Variants in OSBPL10 observed in about 807,000 individuals in gnomAD.
The protein encoded by OSBPL10 is oxysterol-binding protein-related protein 10.
Under a neutral mutation model 81.7 loss-of-function variants are expected in OSBPL10, and 49 were observed. That is an observed-to-expected ratio of 0.60 (90% CI 0.48 to 0.76). The LOEUF (loss-of-function observed/expected upper bound fraction) is 0.76, where lower values mean the gene tolerates loss of function less well. OSBPL10 is among the 30% of genes least tolerant of loss of function. OSBPL10 has a pLI of 0.00. For missense variants in OSBPL10, 923 were observed against 987.8 expected (o/e 0.93, Z 0.88); for synonymous variants, 419 against 383.6 (o/e 1.09, Z -1.08).
intron 3 of OSBPL10, among the ~76,000 whole-genome samples, chr3:31,854,333 G>A (rs951211116): frequency 1.3e-5 from 2 of 152,024 alleles, no homozygotes; most frequent in Non-Finnish European, 2.9e-5. Flanking sequence ...GTTCTAACCA[G>A]TTCTCTGCAT....
At chr3:31,796,992 A>ATT (rs1491120276) in intron 4 of OSBPL10, among the ~76,000 whole-genome samples, 105 of 96,810 alleles carry the variant, frequency 1.1e-3, no homozygotes, top group Admixed American at 1.7e-3. Flanking sequence ...AATTTTTATT[A>ATT]ATTTTTTTTT....
At chr3:31,692,777 T>C (rs1280220057) in intron 7 of OSBPL10, among the ~76,000 whole-genome samples, 1 of 151,946 alleles carries the variant, frequency 6.6e-6, no homozygotes, top group Non-Finnish European at 1.5e-5. Context: ...CCCAGAGAGG[T>C]TTTGCAATTT....
chr3:31,662,086 A>C lies in OSBPL10; in HGVS notation c.2281T>G (p.Trp761Gly). Residue 761 changes from tryptophan (W) to glycine (G), a missense_variant, in exon 12 of 12, where the codon TGG becomes GGG. This residue lies in a region of OSBPL10 where 387 missense variants were observed against 436.3 expected (regional missense o/e 0.89). Coordinates refer to ENST00000396556, the MANE Select transcript of OSBPL10 (RefSeq NM_017784.5). ...GDGWVYFNPL[W>G]KAH Reference sequence around the variant, plus strand: ...CCTCCACCCCATCAGTGTGCTTTCCAGAGGGGATTGAAGTATACCCAGCCA... The same window carrying C: ...CCTCCACCCCATCAGTGTGCTTTCCCGAGGGGATTGAAGTATACCCAGCCA... 6.2e-7 allele frequency: 1 copy of C among 1,614,116 alleles called. No homozygotes were observed. The highest frequency in any genetic ancestry group is 8.5e-7 in the Non-Finnish European group (1 of 1,179,994).
intron 8 of OSBPL10, among the ~76,000 whole-genome samples, chr3:31,681,656 G>T (rs866634417): frequency 6.6e-6 from 1 of 152,076 alleles, no homozygotes; most frequent in African/African-American, 2.4e-5. Context: ...CACTTGCCTC[G>T]CAAGGAGCAC....
chr3:31,771,551 CCA>C (rs1439184460), intron 4 of OSBPL10, among the ~76,000 whole-genome samples: 9 of 152,190 alleles, frequency 5.9e-5, no homozygotes, highest in Non-Finnish European at 1.3e-4. Context: ...CCCCAGACCT[CCA>C]CAAACAAGTT....
chr3:31,955,076 G>C (rs1294692279), intron 1 of OSBPL10, among the ~76,000 whole-genome samples: 3 of 152,216 alleles, frequency 2.0e-5, no homozygotes, highest in Non-Finnish European at 4.4e-5. Context: ...GGTGGATAAG[G>C]TAAGCTAATT....
At chr3:31,856,511 A>G (rs537931125) in intron 3 of OSBPL10, among the ~76,000 whole-genome samples, 1 of 152,334 alleles carries the variant, frequency 6.6e-6, no homozygotes, top group South Asian at 2.1e-4. Context: ...AGCTTGTCCA[A>G]CTTTACTAAG....
intron 1 of OSBPL10, among the ~76,000 whole-genome samples, chr3:31,921,461 G>C (rs1696912738): frequency 6.6e-6 from 1 of 152,172 alleles, no homozygotes; most frequent in Non-Finnish European, 1.5e-5. Flanking sequence ...CCACAATGAT[G>C]GGGGTATGTC....
chr3:32,059,243 C>G (rs1403000467), intron 1 of OSBPL10, among the ~76,000 whole-genome samples: 1 of 152,000 alleles, frequency 6.6e-6, no homozygotes, highest in African/African-American at 2.4e-5. Context: ...TTGCAGTGAG[C>G]CACGATCATG....
At chr3:31,857,920 G>GT (rs768571229) in intron 3 of OSBPL10, among the ~76,000 whole-genome samples, 23 of 151,080 alleles carry the variant, frequency 1.5e-4, no homozygotes, top group Non-Finnish European at 2.2e-4. Flanking sequence ...TACAGAAAAA[G>GT]TAAGTATGTG....
At chr3:31,669,253 C>T (rs767399025) in intron 9 of OSBPL10, among the ~76,000 whole-genome samples, 22 of 151,818 alleles carry the variant, frequency 1.4e-4, no homozygotes, top group Non-Finnish European at 3.1e-4. Context: ...CTCATGTAAG[C>T]AAATACCACC....
intron 4 of OSBPL10, among the ~76,000 whole-genome samples, chr3:31,769,900 T>TAAGA (rs35533568): frequency 0.78 from 118,343 of 151,670 alleles, 46,233 homozygotes; most frequent in East Asian, 0.8. Flanking sequence ...ATGGATCCCC[T>TAAGA]AAGAAGGTTC....
chr3:31,904,303 A>G (rs1327466940), intron 1 of OSBPL10, among the ~76,000 whole-genome samples: 11 of 152,180 alleles, frequency 7.2e-5, no homozygotes, highest in Admixed American at 4.6e-4. Flanking sequence ...CAGTTGGCGG[A>G]TATCAGGGCT....
At chr3:32,022,173 T>C (rs1699368234) in intron 2 of OSBPL10, among the ~76,000 whole-genome samples, 1 of 152,180 alleles carries the variant, frequency 6.6e-6, no homozygotes, top group African/African-American at 2.4e-5. Context: ...TGCATATAGA[T>C]ATGCAGTTGT....
chr3:31,774,269 A>T (rs1382688889), intron 4 of OSBPL10, among the ~76,000 whole-genome samples: 2 of 151,980 alleles, frequency 1.3e-5, no homozygotes, highest in Non-Finnish European at 2.9e-5. Flanking sequence ...GGAGAGTGTG[A>T]GGTCAGGTGA....
chr3:31,993,049 G>A (rs1290638193), intron 2 of OSBPL10, among the ~76,000 whole-genome samples: 1 of 151,950 alleles, frequency 6.6e-6, no homozygotes, highest in African/African-American at 2.4e-5. Flanking sequence ...AAAAGATATG[G>A]GTAAGGAAAT....
chr3:31,757,478 C>T (rs1396874151), intron 4 of OSBPL10, among the ~76,000 whole-genome samples: 1 of 152,140 alleles, frequency 6.6e-6, no homozygotes, highest in Non-Finnish European at 1.5e-5. Context: ...CAGAAGGCAC[C>T]AACTCTACCA....
intron 2 of OSBPL10, among the ~76,000 whole-genome samples, chr3:31,992,417 A>G (rs544283350): frequency 1.3e-5 from 2 of 152,282 alleles, no homozygotes; most frequent in South Asian, 2.1e-4. Context: ...TGGGTCTTAC[A>G]TGGTAAAATC....
chr3:31,813,701 G>A lies in OSBPL10; in HGVS notation c.729+16339C>T, dbSNP rs556881609. ...GCTTTGTGTGTGCCTTGTTAAGAGA[G>A]GGCTCCAGGGTGAGACTTCCCTGGC... is the stretch of plus-strand genomic sequence containing the variant. On this transcript the variant is annotated intron_variant, in intron 4 of 11. Transcript: ENST00000396556. Among the ~76,000 whole-genome samples the A allele has an allele frequency of 4.6e-5, 7 of 152,296 alleles. No homozygotes were observed. In the South Asian group the frequency reaches 1.5e-3, roughly 32 times the overall value.
Sources: allele counts gnomAD v4.1 joint callset (sites outside exome capture counted in the v4.1 genomes callset), GRCh38; gene constraint gnomAD v4.1.1; regional missense constraint gnomAD v4.1.1; transcripts MANE v1.5; gene names NCBI Gene and HGNC (gene_info 2026-07-23, HGNC 2026-07-21).